NHSL1: variants seen among roughly 807,000 people sequenced by gnomAD.
NHSL1 encodes the protein NHS like 1, also known as NHS-like protein 1.
A neutral mutation model predicts 95.0 loss-of-function variants in NHSL1; 48 were observed. The ratio of observed to expected loss-of-function variants is 0.51; its 90% CI spans 0.40 to 0.64. NHSL1 has a LOEUF of 0.64. NHSL1 is among the 30% of genes least tolerant of loss of function. The pLI, the probability that NHSL1 is intolerant of heterozygous loss-of-function variation, is 0.00. For synonymous variants in NHSL1, 783 were observed against 833.9 expected (o/e 0.94, Z 1.05); for missense variants, 1,971 against 2,077.7 (o/e 0.95, Z 1.00).
chr6:138,643,095 T>C (rs892992781), intron 1 of NHSL1, among the ~76,000 whole-genome samples: 9 of 152,192 alleles, frequency 5.9e-5, no homozygotes, highest in African/African-American at 1.2e-4. Flanking sequence ...ATACGATAGA[T>C]AGTGAGATGA....
At chr6:138,567,995 T>C (rs914392081) in intron 1 of NHSL1, among the ~76,000 whole-genome samples, 4 of 152,100 alleles carry the variant, frequency 2.6e-5, no homozygotes, top group African/African-American at 9.7e-5. Context: ...GGACACCCCA[T>C]ATGATTCCAC....
chr6:138,428,537 T>C (rs1053805200), intron 7 of NHSL1, among the ~76,000 whole-genome samples: 1 of 152,238 alleles, frequency 6.6e-6, no homozygotes, highest in Admixed American at 6.5e-5. Context: ...TAGGATCTAT[T>C]ATACCAACAC....
At chr6:138,441,812 C>T (rs1776540674) in intron 5 of NHSL1, among the ~76,000 whole-genome samples, 171 bp downstream of exon 5, 1 of 152,172 alleles carries the variant, frequency 6.6e-6, no homozygotes, top group Admixed American at 6.5e-5. Flanking sequence ...TCTCTCTCTC[C>T]ATGGGATGTT....
chr6:138,517,267 T>C (rs1781496387), intron 1 of NHSL1, among the ~76,000 whole-genome samples: 1 of 152,246 alleles, frequency 6.6e-6, no homozygotes, highest in African/African-American at 2.4e-5. Flanking sequence ...TGGAGAATTC[T>C]GGATGAATAT....
In NHSL1 at chr6:138,523,274, G is replaced by A. The variant is rs542683349; in HGVS notation, c.16+22349C>T. 2.0e-4 allele frequency among the ~76,000 whole-genome samples: 30 copies of A among 152,250 alleles called. No individual in the cohort carries two copies. In the South Asian group the frequency reaches 5.6e-3, roughly 28 times the overall value. On this transcript the variant is annotated intron_variant, in intron 1 of 4. Transcript: ENST00000342260. ...GACAGAAGGGGAGCCAGAGAAGGCAGTGAATTAAAGAGAGTTTTTAAATTT... is the reference window on the plus strand; with the variant it reads ...GACAGAAGGGGAGCCAGAGAAGGCAATGAATTAAAGAGAGTTTTTAAATTT...
chr6:138,499,450 A>G lies in NHSL1; in HGVS notation c.-160T>C. Reference sequence around the variant, plus strand: ...GCCCAGGCTGATGTAACTGAGGTTGAGTTTATTGTCAGGCAGTTACAAACC... The same window carrying G: ...GCCCAGGCTGATGTAACTGAGGTTGGGTTTATTGTCAGGCAGTTACAAACC... On this transcript the variant is annotated 5_prime_UTR_variant, in exon 1 of 8. Coordinates refer to ENST00000343505, the MANE Select transcript of NHSL1 (RefSeq NM_001144060.2). 1 of 1,404,714 alleles carries G rather than the reference A, an allele frequency of 7.1e-7. No homozygotes were observed. The allele number at this position is 1,404,714 out of a possible 1,614,324, so 87.0% of individuals were successfully genotyped here.
chr6:138,660,626 G>A (rs1359043582), intron 1 of NHSL1, among the ~76,000 whole-genome samples: 2 of 149,628 alleles, frequency 1.3e-5, no homozygotes, highest in Non-Finnish European at 3.0e-5. Context: ...GGGCAACAGA[G>A]CAAGACTCCG....
chr6:138,598,683 T>C (rs1217550768), intron 1 of NHSL1, among the ~76,000 whole-genome samples: 2 of 133,220 alleles, frequency 1.5e-5, no homozygotes, highest in Non-Finnish European at 3.2e-5. Flanking sequence ...CTACTAAAAA[T>C]ATATGTGAAC....
At position 138,431,642 on chromosome 6, in the gene NHSL1, C is replaced by A; in HGVS notation, c.2703G>T (p.Ser901=). 3.2e-6 allele frequency: 5 copies of A among 1,551,498 alleles called. No individual in the cohort carries two copies. Among genetic ancestry groups the A allele is most frequent in the Non-Finnish European group, 4.4e-6 (5 of 1,146,824 alleles). The change falls in exon 6 of 8, where the codon TCG becomes TCT. Residue 901 remains serine (S), a synonymous_variant. Coordinates refer to ENST00000343505, the MANE Select transcript of NHSL1 (RefSeq NM_001144060.2). The surrounding 1 kb of genome is among the most constrained non-coding windows in gnomAD (Gnocchi z 4.0). ...AAGTACTAGAAGAAAGAGAAGTGGACGATGAGGAAATGGATACTGAAGATA... is the reference window on the plus strand; with the variant it reads ...AAGTACTAGAAGAAAGAGAAGTGGAAGATGAGGAAATGGATACTGAAGATA... ...SLISSVSISS[S]STSLSSSTST...
At chr6:138,495,964 A>T (rs552366250) in intron 2 of NHSL1, among the ~76,000 whole-genome samples, 95 of 152,276 alleles carry the variant, frequency 6.2e-4, no homozygotes, top group Non-Finnish European at 1.2e-3. Flanking sequence ...AATTGGCCCC[A>T]TGATTCAATT....
At chr6:138,647,725 C>G (rs9495179) in intron 1 of NHSL1, among the ~76,000 whole-genome samples, 4,427 of 151,776 alleles carry the variant, frequency 0.029, 214 homozygotes, top group African/African-American at 0.1. Flanking sequence ...CTCCGCCTCC[C>G]GAGTAGCTGG....
At chr6:138,542,667 T>C (rs1583385593) in intron 1 of NHSL1, among the ~76,000 whole-genome samples, 1 of 152,234 alleles carries the variant, frequency 6.6e-6, no homozygotes, top group Non-Finnish European at 1.5e-5. Context: ...TGATGTACCA[T>C]AATTAAGAAA....
chr6:138,424,021 C>T lies in NHSL1; in HGVS notation c.*60G>A. On this transcript the variant is annotated 3_prime_UTR_variant, in exon 8 of 8. Transcript: ENST00000343505. The surrounding 1 kb of genome is among the most constrained non-coding windows in gnomAD (Gnocchi z 5.9). ...CCAGGGAAGGGCGCCTAGCAGGCTT[C>T]CTAGAGTGCTGCATTGCTCGTCTCC... 1 of 1,303,038 alleles carries T rather than the reference C, an allele frequency of 7.7e-7. No individual in the cohort carries two copies. The highest frequency in any genetic ancestry group is 9.7e-7 in the Non-Finnish European group (1 of 1,028,332). 80.7% of individuals were successfully genotyped at this position (1,303,038 alleles called of 1,614,324 possible). A position where few individuals can be genotyped will look rare whatever the true frequency, so the allele number is the denominator to read the frequency against.
chr6:138,463,564 G>T (rs1357132519), intron 3 of NHSL1, among the ~76,000 whole-genome samples: 3 of 146,406 alleles, frequency 2.0e-5, no homozygotes, highest in Non-Finnish European at 4.5e-5. Flanking sequence ...TGGGATACAT[G>T]AGCTGAACGT....
chr6:138,661,509 A>G (rs1785226681), intron 1 of NHSL1, among the ~76,000 whole-genome samples: 1 of 151,260 alleles, frequency 6.6e-6, no homozygotes, highest in Non-Finnish European at 1.5e-5. Context: ...AAAAAAAAAA[A>G]AGATTAGCTG....
At chr6:138,612,068 C>G (rs1034472365) in intron 1 of NHSL1, among the ~76,000 whole-genome samples, 7 of 144,784 alleles carry the variant, frequency 4.8e-5, no homozygotes, top group African/African-American at 1.9e-4. Context: ...CAAGATCACG[C>G]CACTGCACTC....
rs548531969 is a variant in NHSL1 at position 138,541,438 on chromosome 6, T to A, written c.16+4185A>T. Among the ~76,000 whole-genome samples, 263 of 152,302 alleles carry A rather than the reference T, an allele frequency of 1.7e-3. 2 individuals are homozygous for A. The highest frequency in any genetic ancestry group is 2.4e-3 in the Non-Finnish European group (165 of 68,028). ...GTTTTTAAAACTCAACAGCAGAGAG[T>A]CTGCTTTAAAATTTTCAACATTGTG... On this transcript the variant is annotated intron_variant, in intron 1 of 4. Transcript: ENST00000342260.
At chr6:138,511,970 A>G (rs1781252793) in intron 1 of NHSL1, among the ~76,000 whole-genome samples, 1 of 152,206 alleles carries the variant, frequency 6.6e-6, no homozygotes, top group African/African-American at 2.4e-5. Context: ...AGTTTTTCCA[A>G]ACTTCTCGAA....
At chr6:138,574,532 T>A (rs1783933202), upstream of NHSL1, among the ~76,000 whole-genome samples, 1 of 152,022 alleles carries the variant, frequency 6.6e-6, no homozygotes, top group Non-Finnish European at 1.5e-5. Flanking sequence ...GCATTTTTAA[T>A]TTAAAAATAT....
Sources: allele counts gnomAD v4.1 joint callset (sites outside exome capture counted in the v4.1 genomes callset), GRCh38; gene constraint gnomAD v4.1.1; non-coding constraint Gnocchi (gnomAD v3.1); transcripts MANE v1.5; gene names NCBI Gene and HGNC (gene_info 2026-07-23, HGNC 2026-07-21).